ADSL: variants seen among roughly 807,000 people sequenced by gnomAD.
ADSL encodes adenylosuccinase.
A neutral mutation model predicts 62.1 loss-of-function variants in ADSL; 44 were observed. The observed-to-expected ratio is 0.71, with a 90% CI of 0.56 to 0.91. ADSL has a LOEUF of 0.91. ADSL is among the 40% of genes least tolerant of loss of function. The pLI, the probability that ADSL is intolerant of heterozygous loss-of-function variation, is 0.00. For missense variants in ADSL, 531 were observed against 627.4 expected, an observed-to-expected ratio of 0.85 and a Z score of 1.64; for synonymous variants, 198 against 220.5, an observed-to-expected ratio of 0.90 and a Z score of 0.90.
At chr22:40,364,216 T>C in intron 10 of ADSL, 60 bp from the exon 11 acceptor site, 1 of 1,383,208 alleles carries the variant, frequency 7.2e-7, no homozygotes, top group East Asian at 2.3e-5. Flanking sequence ...CATCCTGCTG[T>C]GTTTATGACT....
rs1351024151 is a variant in ADSL at position 40,366,437 on chromosome 22, T to C, written c.1370T>C (p.Val457Ala). The change falls in exon 13 of 13, where the codon GTG (valine) becomes GCG (alanine). Residue 457 changes from valine (V) to alanine (A), a missense_variant and splice_region_variant. By Grantham distance (64) the Val-to-Ala change is moderately conservative. Transcript: ENST00000623063. Reference sequence around the variant, plus strand: ...CTTGTATTTGCTTTCCTCTGGCAGGTGCAGAGATTCTTAGAAGAGGAGGTG... The same window carrying C: ...CTTGTATTTGCTTTCCTCTGGCAGGCGCAGAGATTCTTAGAAGAGGAGGTG... ...SSFTGRASQQVQRFLEEEVYP... is the reference protein window; with the variant it reads ...SSFTGRASQQAQRFLEEEVYP... 1.9e-6 allele frequency: 3 copies of C among 1,607,422 alleles called. No individual in the cohort carries two copies. The highest frequency in any genetic ancestry group is 1.7e-6 in the Non-Finnish European group (2 of 1,173,988).
intron 3 of ADSL, chr22:40,353,493 A>C (rs1285332853): frequency 1.5e-6 from 1 of 684,944 alleles, no homozygotes; most frequent in Non-Finnish European, 2.7e-6. Flanking sequence ...CATGTTGCCC[A>C]GGCTGGTCTC....
downstream of ADSL, among the ~76,000 whole-genome samples, chr22:40,369,719 T>A (rs2045142535): frequency 6.6e-6 from 1 of 152,050 alleles, no homozygotes; most frequent in Non-Finnish European, 1.5e-5. Flanking sequence ...TAACCCAGGC[T>A]GTTGTATTTT....
At chr22:40,363,170 A>G (rs1017742245) in intron 10 of ADSL, 99 bp downstream of exon 10, 8 of 1,132,230 alleles carry the variant, frequency 7.1e-6, no homozygotes, top group South Asian at 1.2e-5. Context: ...TTCTGATCCG[A>G]TAGGCATTCT....
chr22:40,350,042 G>T lies in ADSL; in HGVS notation c.357+7G>T, dbSNP rs199993991. On this transcript the variant is annotated splice_region_variant and intron_variant, in intron 2 of 12. Coordinates refer to ENST00000623063, the MANE Select transcript of ADSL (RefSeq NM_000026.4). ...CTATGTTGGAGACAATACTGTAGGCGCCTGTGTTGTTTATACTTAAAACTC... is the reference window on the plus strand; with the variant it reads ...CTATGTTGGAGACAATACTGTAGGCTCCTGTGTTGTTTATACTTAAAACTC... The T allele has an allele frequency of 5.6e-6, 9 of 1,612,070 alleles. No individual in the cohort carries two copies. The highest frequency in any genetic ancestry group is 1.7e-4 in the Middle Eastern group (1 of 6,052).
At chr22:40,381,549 T>C (rs2047586774) in intron 2 of ADSL, among the ~76,000 whole-genome samples, 1 of 152,196 alleles carries the variant, frequency 6.6e-6, no homozygotes, top group African/African-American at 2.4e-5. Flanking sequence ...ATCTAGAAGC[T>C]AAATAACTGG....
intron 4 of ADSL, among the ~76,000 whole-genome samples, chr22:40,355,576 G>A (rs1052286957): frequency 1.3e-5 from 2 of 152,138 alleles, no homozygotes; most frequent in African/African-American, 4.8e-5. Context: ...ACTGAAAAGC[G>A]TTCCATTGGT....
chr22:40,350,316 TG>T (rs1372158173), intron 2 of ADSL: 3 of 376,744 alleles, frequency 8.0e-6, no homozygotes, highest in Non-Finnish European at 4.9e-6. Flanking sequence ...TTAGTAGAGA[TG>T]GGGTTTCACC....
At chr22:40,370,147 C>G (rs973302403), downstream of ADSL, among the ~76,000 whole-genome samples, 2 of 151,940 alleles carry the variant, frequency 1.3e-5, no homozygotes, top group African/African-American at 4.8e-5. Context: ...CGAGACCAGC[C>G]TGGCCAACAT....
chr22:40,349,764 C>G (rs962889414), intron 1 of ADSL, 68 bp from the exon 2 acceptor site: 10 of 1,417,706 alleles, frequency 7.1e-6, no homozygotes, highest in Non-Finnish European at 9.8e-6. Flanking sequence ...GTTTTTTTTC[C>G]TTGGTGTCAC....
intron 2 of ADSL, chr22:40,376,344 A>G (rs1337398278): frequency 3.3e-5 from 5 of 151,902 alleles, no homozygotes; most frequent in Admixed American, 2.0e-4. Context: ...GTTGGAGTGC[A>G]GTGGCATGAT....
chr22:40,355,437 C>T (rs973494340), intron 4 of ADSL, among the ~76,000 whole-genome samples: 4 of 152,182 alleles, frequency 2.6e-5, no homozygotes, highest in East Asian at 3.9e-4. Flanking sequence ...GGATTACAGG[C>T]GTGAGCCACC....
At position 40,362,976 on chromosome 22, in the gene ADSL, T is replaced by C. The variant is rs918187646; in HGVS notation, c.1011-5T>C. ...AGACATACTGAATGGCTATTTGTTT[T>C]CTAGACGGATCTGTTTGGCCGAGGC... On this transcript the variant is annotated splice_polypyrimidine_tract_variant and splice_region_variant and intron_variant, in intron 9 of 12. Transcript: ENST00000623063. 2.5e-6 allele frequency: 4 copies of C among 1,612,166 alleles called. No homozygotes were observed. The African/African-American group carries it at 4.0e-5, about 16-fold the overall frequency.
rs2045015406 is a variant in ADSL, at chr22:40,366,576, G to A, written c.*54G>A. On this transcript the variant is annotated 3_prime_UTR_variant, in exon 13 of 13. Coordinates refer to ENST00000623063, the MANE Select transcript of ADSL (RefSeq NM_000026.4). ...TGTTAATTGCTGAGGCATGAAAATTGTGTTACTATAATGCCTTATTTTACC... is the reference window on the plus strand; with the variant it reads ...TGTTAATTGCTGAGGCATGAAAATTATGTTACTATAATGCCTTATTTTACC... The A allele has an allele frequency of 1.5e-6, 2 of 1,338,970 alleles. No individual in the cohort carries two copies. Among genetic ancestry groups the A allele is most frequent in the Non-Finnish European group, 2.1e-6 (2 of 930,922 alleles). 82.9% of individuals were successfully genotyped at this position (1,338,970 alleles called of 1,614,324 possible).
At position 40,360,512 on chromosome 22, in the gene ADSL, G is replaced by T. The variant is rs1003130326; in HGVS notation, c.792+20G>T. 6.3e-7 allele frequency: 1 copy of T among 1,597,060 alleles called. No homozygotes were observed. The highest frequency in any genetic ancestry group is 1.3e-5 in the African/African-American group (1 of 74,598). On this transcript the variant is annotated intron_variant, in intron 7 of 12. Coordinates refer to ENST00000623063, the MANE Select transcript of ADSL (RefSeq NM_000026.4). ...CACAAGGTGAGTGGTGGCAGCATGT[G>T]GGGTGGGGACAGGAGCTTTGGGCAC...
downstream of ADSL, among the ~76,000 whole-genome samples, chr22:40,373,987 C>T (rs1429899219): frequency 6.7e-6 from 1 of 149,818 alleles, no homozygotes; most frequent in Non-Finnish European, 1.5e-5. Context: ...CTCCCTCTGT[C>T]GCCCAGGCTT....
intron 4 of ADSL, among the ~76,000 whole-genome samples, chr22:40,356,085 C>G (rs904539349): frequency 6.6e-6 from 1 of 151,270 alleles, no homozygotes; most frequent in East Asian, 1.9e-4. Flanking sequence ...GCCTATAGTC[C>G]CAGCTACTTG....
chr22:40,347,564 C>T (rs1020942336), intron 1 of ADSL, among the ~76,000 whole-genome samples: 6 of 152,166 alleles, frequency 3.9e-5, no homozygotes, highest in African/African-American at 1.4e-4. Context: ...AACATGGAAA[C>T]AATTTGACTT....
chr22:40,352,960 G>A lies in ADSL; in HGVS notation c.358-113G>A. 1.8e-5 allele frequency: 14 copies of A among 793,758 alleles called. 1 individual carries two copies. The South Asian group carries it at 1.8e-4, about 10-fold the overall frequency. 49.2% of individuals were successfully genotyped at this position (793,758 alleles called of 1,614,324 possible). A position where few individuals can be genotyped will look rare whatever the true frequency, so the allele number is the denominator to read the frequency against. On this transcript the variant is annotated intron_variant, in intron 2 of 12. Transcript: ENST00000623063. ...CTGGCGTGCTTAGTGGGTTGGTAGT[G>A]GTGATATAGGCTGGTAGCTGAGCAA...
Sources: allele counts gnomAD v4.1 joint callset (sites outside exome capture counted in the v4.1 genomes callset), GRCh38; gene constraint gnomAD v4.1.1; transcripts MANE v1.5; gene names NCBI Gene and HGNC (gene_info 2026-07-23, HGNC 2026-07-21).